Variants in CNTNAP2 observed in about 807,000 individuals in gnomAD.
CNTNAP2 encodes contactin associated protein 2, also known as contactin-associated protein-like 2.
A neutral mutation model predicts 155.2 loss-of-function variants in CNTNAP2; 98 were observed. The ratio of observed to expected loss-of-function variants is 0.63; its 90% CI spans 0.54 to 0.75. The LOEUF is 0.75. Among genes scored for constraint, CNTNAP2 ranks in the 30% least tolerant of loss-of-function variants. CNTNAP2 has a pLI of 0.00. For synonymous variants in CNTNAP2, 651 were observed against 631.2 expected, an observed-to-expected ratio of 1.03 and a Z score of -0.47; for missense variants, 1,727 against 1,688.1, an observed-to-expected ratio of 1.02 and a Z score of -0.40.
intron 1 of CNTNAP2, among the ~76,000 whole-genome samples, chr7:146,517,856 C>G (rs1452546385): frequency 6.6e-6 from 1 of 151,810 alleles, no homozygotes; most frequent in Non-Finnish European, 1.5e-5. Context: ...GATTTTGATA[C>G]TATTTAGCAG....
At chr7:148,414,219 G>C (rs1799926116) in intron 23 of CNTNAP2, among the ~76,000 whole-genome samples, 1 of 151,654 alleles carries the variant, frequency 6.6e-6, no homozygotes, top group African/African-American at 2.4e-5. Context: ...TGGGATCACA[G>C]GAGCGTGCCA....
At chr7:147,142,948 T>C (rs1801629805) in intron 8 of CNTNAP2, among the ~76,000 whole-genome samples, 1 of 152,112 alleles carries the variant, frequency 6.6e-6, no homozygotes, top group Non-Finnish European at 1.5e-5. Context: ...CCAATTTTAG[T>C]ATACTTTCCT....
At chr7:147,150,734 T>C (rs1436601951) in intron 8 of CNTNAP2, among the ~76,000 whole-genome samples, 1 of 152,076 alleles carries the variant, frequency 6.6e-6, no homozygotes, top group Non-Finnish European at 1.5e-5. Context: ...TCCTCCCCAC[T>C]CCTTATGAGA....
At chr7:146,407,668 A>T (rs1795811484) in intron 1 of CNTNAP2, among the ~76,000 whole-genome samples, 1 of 152,148 alleles carries the variant, frequency 6.6e-6, no homozygotes, top group Non-Finnish European at 1.5e-5. Flanking sequence ...TTTCCCCAGA[A>T]GCTCAGAAAT....
At chr7:148,076,733 G>A (rs141980218) in intron 15 of CNTNAP2, among the ~76,000 whole-genome samples, 1,955 of 151,956 alleles carry the variant, frequency 0.013, 17 homozygotes, top group Middle Eastern at 0.031. Context: ...GTGAGCCACC[G>A]TGCCCGGCCG....
intron 1 of CNTNAP2, among the ~76,000 whole-genome samples, chr7:146,752,499 T>C (rs1801923181): frequency 6.6e-6 from 1 of 152,204 alleles, no homozygotes; most frequent in Admixed American, 6.5e-5. Flanking sequence ...TTTAAGTTTC[T>C]TGTAGATTCT....
chr7:146,459,207 C>T (rs1796601479), intron 1 of CNTNAP2, among the ~76,000 whole-genome samples: 1 of 152,166 alleles, frequency 6.6e-6, no homozygotes. Flanking sequence ...ATAGCATCAA[C>T]ATTAAAATTT....
intron 11 of CNTNAP2, among the ~76,000 whole-genome samples, chr7:147,535,146 A>G (rs1010661547): frequency 2.6e-5 from 4 of 152,196 alleles, no homozygotes; most frequent in African/African-American, 9.7e-5. Flanking sequence ...TAATCCCAGC[A>G]CTTTGAGAGG....
intron 1 of CNTNAP2, among the ~76,000 whole-genome samples, chr7:146,264,400 G>A (rs1351186765): frequency 1.3e-5 from 2 of 151,646 alleles, no homozygotes; most frequent in African/African-American, 2.4e-5. Context: ...GCAGTGAGCC[G>A]AGATCATGCC....
chr7:146,707,594 T>G (rs548199385), intron 1 of CNTNAP2, among the ~76,000 whole-genome samples: 2 of 152,136 alleles, frequency 1.3e-5, no homozygotes, highest in East Asian at 3.9e-4. Flanking sequence ...AGGTTGACCC[T>G]GTGACTCTGA....
intron 4 of CNTNAP2, among the ~76,000 whole-genome samples, chr7:147,073,013 C>T (rs1366738492): frequency 2.0e-5 from 3 of 151,224 alleles, no homozygotes; most frequent in Non-Finnish European, 4.4e-5. Context: ...CCACCACGCC[C>T]GGCTAATTTT....
At chr7:146,613,596 A>G (rs76592920) in intron 1 of CNTNAP2, among the ~76,000 whole-genome samples, 3,524 of 152,324 alleles carry the variant, frequency 0.023, 69 homozygotes, top group Non-Finnish European at 0.037. Context: ...ATTTAATCCA[A>G]AAATATGATT....
chr7:146,685,625 T>A (rs910499213), intron 1 of CNTNAP2, among the ~76,000 whole-genome samples: 7 of 152,184 alleles, frequency 4.6e-5, no homozygotes, highest in African/African-American at 1.7e-4. Context: ...TAAAGTTTAT[T>A]TGAATGAAAA....
chr7:147,950,364 C>CA lies in CNTNAP2; in HGVS notation c.2256-27469dup, dbSNP rs386411606. Among the ~76,000 whole-genome samples the CA allele has an allele frequency of 7.6e-3, 425 of 55,780 alleles. 82 individuals carry two copies. The highest frequency in any genetic ancestry group is 0.011 in the African/African-American group (114 of 10,156). The allele number at this position is 55,780 out of a possible 152,430, so 36.6% of individuals were successfully genotyped here. ...AGCTTAAGCTATACACATAGAGAGG[C>CA]AAAAAAAAAAAAAAAAAAAAAAAAA... On this transcript the variant is annotated intron_variant, in intron 14 of 23. Transcript: ENST00000361727.
intron 8 of CNTNAP2, among the ~76,000 whole-genome samples, chr7:147,283,155 C>G (rs933260836): frequency 1.6e-4 from 25 of 151,618 alleles, no homozygotes; most frequent in Admixed American, 1.6e-3. Flanking sequence ...ACATCTATAC[C>G]CCCATCTAAT....
At chr7:146,867,542 G>T (rs955112926) in intron 3 of CNTNAP2, among the ~76,000 whole-genome samples, 2 of 152,100 alleles carry the variant, frequency 1.3e-5, no homozygotes, top group African/African-American at 4.8e-5. Flanking sequence ...ACCTGGTAAT[G>T]GGATTGCTGG....
At chr7:146,626,524 A>T (rs1799422001) in intron 1 of CNTNAP2, among the ~76,000 whole-genome samples, 1 of 152,162 alleles carries the variant, frequency 6.6e-6, no homozygotes, top group Admixed American at 6.6e-5. Flanking sequence ...AGGCTTGATA[A>T]GAAAGGATTG....
intron 1 of CNTNAP2, among the ~76,000 whole-genome samples, chr7:146,650,357 T>G (rs1008374514): frequency 6.6e-6 from 1 of 152,112 alleles, no homozygotes; most frequent in Non-Finnish European, 1.5e-5. Context: ...TGGAATACTA[T>G]ACAGCCATAA....
intron 1 of CNTNAP2, among the ~76,000 whole-genome samples, chr7:146,624,795 T>A (rs1297497665): frequency 1.3e-5 from 2 of 152,042 alleles, no homozygotes; most frequent in Non-Finnish European, 2.9e-5. Context: ...TTGTGTTGAA[T>A]CTATAGGTCA....
Sources: gnomAD v4.1 joint callset for allele counts (sites outside exome capture counted in the v4.1 genomes callset) on GRCh38, gnomAD v4.1.1 for gene constraint, MANE v1.5 for transcripts, NCBI Gene and HGNC (gene_info 2026-07-23, HGNC 2026-07-21) for gene names.